The following ADGRL2 variants were observed in gnomAD, a reference collection of about 807,000 sequenced individuals.
The protein encoded by ADGRL2 is adhesion G protein-coupled receptor L2.
In ADGRL2, 44 loss-of-function variants were observed where a neutral mutation model predicts 157.4. That is an observed-to-expected ratio of 0.28 (90% confidence interval 0.22 to 0.36). The LOEUF (loss-of-function observed/expected upper bound fraction) is 0.36, where lower values mean the gene tolerates loss of function less well. Ranked by LOEUF, ADGRL2 falls within the 10% of genes least tolerant of loss-of-function variation. The pLI is 1.00. For missense variants in ADGRL2, 1,510 were observed against 1,768.9 expected (o/e 0.85, Z 2.63); for synonymous variants, 585 against 624.7 (o/e 0.94, Z 0.95).
upstream of ADGRL2, among the ~76,000 whole-genome samples, chr1:81,800,005 C>T (rs577180646): frequency 6.6e-6 from 1 of 152,248 alleles, no homozygotes; most frequent in African/African-American, 2.4e-5. Context: ...TTAGGTCCAT[C>T]GTAGGCTCTG....
rs551077060 is a variant in ADGRL2 at position 81,480,059 on chromosome 1, G to A, written c.-248+34970G>A. Among the ~76,000 whole-genome samples, 368 of 152,250 alleles carry A rather than the reference G, an allele frequency of 2.4e-3. 7 individuals carry two copies. Among genetic ancestry groups the A allele is most frequent in the African/African-American group, 8.4e-3 (347 of 41,546 alleles). ...GGCTGGTGTCACATAGCTGATGATAGAAGAGGGAGGTCTCAAGCCTAGTCT... is the reference window on the plus strand; with the variant it reads ...GGCTGGTGTCACATAGCTGATGATAAAAGAGGGAGGTCTCAAGCCTAGTCT... On this transcript the variant is annotated intron_variant, in intron 2 of 24. Coordinates refer to the ADGRL2 transcript ENST00000370721.
intron 2 of ADGRL2, chr1:81,502,778 A>G: frequency 6.2e-7 from 1 of 1,613,144 alleles, no homozygotes; most frequent in Non-Finnish European, 8.5e-7. Context: ...CGGCCCAGCT[A>G]CAGCTCCTCC....
chr1:81,527,712 A>C (rs2079496364), intron 2 of ADGRL2, among the ~76,000 whole-genome samples: 1 of 143,732 alleles, frequency 7.0e-6, no homozygotes, highest in Non-Finnish European at 1.5e-5. Context: ...ACTCTGCCTC[A>C]AAAAAAAAAA....
chr1:81,320,890 A>G (rs554838545), intron 1 of ADGRL2, among the ~76,000 whole-genome samples: 2 of 152,362 alleles, frequency 1.3e-5, no homozygotes, highest in African/African-American at 2.4e-5. Context: ...AGCCTCTAAC[A>G]AAGTCATCCT....
intron 1 of ADGRL2, among the ~76,000 whole-genome samples, chr1:81,328,039 A>C (rs1238627108): frequency 1.3e-5 from 2 of 152,136 alleles, no homozygotes; most frequent in African/African-American, 4.8e-5. Flanking sequence ...AGGGAACAAA[A>C]AACAAAAAGG....
At chr1:81,660,008 C>T (rs2082619756) in intron 3 of ADGRL2, among the ~76,000 whole-genome samples, 2 of 152,154 alleles carry the variant, frequency 1.3e-5, no homozygotes, top group Non-Finnish European at 2.9e-5. Flanking sequence ...AATTTGATCA[C>T]TATTTCATAT....
At chr1:81,437,304 T>A (rs564824726) in intron 1 of ADGRL2, among the ~76,000 whole-genome samples, 1 of 150,848 alleles carries the variant, frequency 6.6e-6, no homozygotes, top group Non-Finnish European at 1.5e-5. Flanking sequence ...AAGGAAAGCT[T>A]TTTTTTACAC....
intron 3 of ADGRL2, among the ~76,000 whole-genome samples, chr1:81,638,634 A>G (rs1001090849): frequency 1.1e-4 from 16 of 152,208 alleles, no homozygotes; most frequent in Admixed American, 4.6e-4. Flanking sequence ...AAATATGTAT[A>G]CTGCAAACTC....
At chr1:81,380,239 C>G (rs976129288) in intron 1 of ADGRL2, among the ~76,000 whole-genome samples, 6 of 152,148 alleles carry the variant, frequency 3.9e-5, no homozygotes, top group African/African-American at 1.4e-4. Flanking sequence ...TGTATTTCCT[C>G]TTTTGTGAAT....
chr1:81,645,532 T>C (rs894817627), intron 3 of ADGRL2, among the ~76,000 whole-genome samples: 1 of 152,180 alleles, frequency 6.6e-6, no homozygotes, highest in East Asian at 1.9e-4. Context: ...ATTATCCAGT[T>C]TGACTGTGCC....
chr1:81,473,901 C>A (rs1459187850), intron 2 of ADGRL2, among the ~76,000 whole-genome samples: 1 of 152,308 alleles, frequency 6.6e-6, no homozygotes, highest in South Asian at 2.1e-4. Context: ...TGGTTGCAAA[C>A]ACTCTTGGGA....
At chr1:81,989,921 A>G (rs1439494852) in intron 23 of ADGRL2, 10 of 985,128 alleles carry the variant, frequency 1.0e-5, no homozygotes, top group African/African-American at 1.7e-5. Flanking sequence ...TATGTTGTAC[A>G]TTTGCCTTTC....
intron 1 of ADGRL2, among the ~76,000 whole-genome samples, chr1:81,744,730 C>G (rs995449780): frequency 1.3e-5 from 2 of 152,098 alleles, no homozygotes; most frequent in African/African-American, 4.8e-5. Context: ...GGATGACACA[C>G]TCATGAAAAT....
At chr1:81,950,974 A>G in intron 7 of ADGRL2, 44 bp from the exon 8 acceptor site, 14 of 1,291,866 alleles carry the variant, frequency 1.1e-5, no homozygotes, top group Non-Finnish European at 1.5e-5. Flanking sequence ...ATGCATGCAG[A>G]AAAATGGTTT....
intron 1 of ADGRL2, among the ~76,000 whole-genome samples, chr1:81,747,271 A>G (rs1331098333): frequency 6.7e-6 from 1 of 148,838 alleles, no homozygotes; most frequent in African/African-American, 2.5e-5. Flanking sequence ...GTATATGTGT[A>G]TATATACATG....
At chr1:81,701,649 G>A (rs1262603271) in intron 1 of ADGRL2, among the ~76,000 whole-genome samples, 1 of 152,118 alleles carries the variant, frequency 6.6e-6, no homozygotes, top group Non-Finnish European at 1.5e-5. Flanking sequence ...AGGAACATCT[G>A]ATAATTTATT....
At chr1:81,416,332 A>G (rs1036321713) in intron 1 of ADGRL2, among the ~76,000 whole-genome samples, 1 of 151,586 alleles carries the variant, frequency 6.6e-6, no homozygotes, top group African/African-American at 2.4e-5. Context: ...AAAAAAGAAA[A>G]GAAAAGAAAA....
intron 16 of ADGRL2, among the ~76,000 whole-genome samples, chr1:81,971,335 T>C (rs1658670010): frequency 6.6e-6 from 1 of 152,200 alleles, no homozygotes; most frequent in Non-Finnish European, 1.5e-5. Flanking sequence ...TGCTTTGATA[T>C]CCTTTTCTAG....
At chr1:81,628,968 A>T (rs1210258435) in intron 3 of ADGRL2, among the ~76,000 whole-genome samples, 1 of 152,242 alleles carries the variant, frequency 6.6e-6, no homozygotes, top group African/African-American at 2.4e-5. Flanking sequence ...TAGTACCTGA[A>T]TCACAGATTG....
Sources: gnomAD v4.1 joint callset for allele counts (sites outside exome capture counted in the v4.1 genomes callset) on GRCh38, gnomAD v4.1.1 for gene constraint, MANE v1.5 for transcripts, NCBI Gene and HGNC (gene_info 2026-07-23, HGNC 2026-07-21) for gene names.